Variants in ARHGAP21 observed in about 807,000 individuals in gnomAD.
ARHGAP21 encodes rho GTPase-activating protein 21.
A neutral mutation model predicts 164.6 loss-of-function variants in ARHGAP21; 38 were observed. The ratio of observed to expected loss-of-function variants is 0.23; its 90% CI spans 0.18 to 0.30. The LOEUF is 0.30. Among genes scored for constraint, ARHGAP21 ranks in the 10% least tolerant of loss-of-function variants. The pLI, the probability that ARHGAP21 is intolerant of heterozygous loss-of-function variation, is 1.00. For synonymous variants in ARHGAP21, 766 were observed against 857.9 expected (o/e 0.89, Z 1.87); for missense variants, 1,822 against 2,370.7 (o/e 0.77, Z 4.81).
chr10:24,599,007 C>T (rs2076700062), intron 14 of ARHGAP21, among the ~76,000 whole-genome samples: 1 of 152,132 alleles, frequency 6.6e-6, no homozygotes, highest in Admixed American at 6.5e-5. Flanking sequence ...ATAGTATCTG[C>T]CATATGGTAT....
At chr10:24,591,801 T>C (rs1321701059) in intron 22 of ARHGAP21, 86 bp downstream of exon 22, 1 of 1,596,314 alleles carries the variant, frequency 6.3e-7, no homozygotes, top group African/African-American at 1.4e-5. Context: ...AACCAACCTC[T>C]GTCTGACCAA....
intron 24 of ARHGAP21, 192 bp downstream of exon 24, chr10:24,591,033 G>A: frequency 1.7e-6 from 1 of 601,582 alleles, no homozygotes; most frequent in Non-Finnish European, 2.1e-6. Context: ...TGCATGCACT[G>A]CCAATGGCAT....
chr10:24,700,500 A>C (rs966482102), intron 2 of ARHGAP21, among the ~76,000 whole-genome samples: 2 of 152,232 alleles, frequency 1.3e-5, no homozygotes, highest in African/African-American at 4.8e-5. Context: ...TGATTAAAAT[A>C]ATAAGAATTA....
chr10:24,620,603 T>C lies in ARHGAP21; in HGVS notation c.1292A>G (p.Asn431Ser), dbSNP rs200788703. The change falls in exon 9 of 26, where the codon AAC (asparagine) becomes AGC (serine). Residue 431 changes from asparagine to serine, a missense_variant. Asn to Ser is a conservative substitution (Grantham distance 46, BLOSUM62 1). Transcript: ENST00000396432. Reference sequence around the variant, plus strand: ...ACGTCGTCCCTGCAAAGTAGTGCGGTTGGGGACGACCTGGTTATAATCTGT... The same window carrying C: ...ACGTCGTCCCTGCAAAGTAGTGCGGCTGGGGACGACCTGGTTATAATCTGT... ...STTDYNQVVP[N>S]RTTLQGRRRS... The C allele has an allele frequency of 1.1e-5, 18 of 1,614,094 alleles. No homozygotes were observed. Among genetic ancestry groups the C allele is most frequent in the African/African-American group, 2.7e-5 (2 of 74,932 alleles).
Position 24,619,999 on chromosome 10 carries a change from A to G in ARHGAP21, c.1896T>C (p.His632=), listed in dbSNP as rs1565030445. The change falls in exon 9 of 26, where the codon CAT becomes CAC. Residue 632 remains histidine (H), a synonymous_variant. Coordinates refer to ENST00000396432, the MANE Select transcript of ARHGAP21 (RefSeq NM_020824.4). ...TCTGGCTAAATGATGGTTTTGTGAC[A>G]TGCGTGGAAGGAGCTTTCAGAGAAT... ...RSNSLKAPST[H]VTKPSFSQKS... is the part of the protein sequence containing the mutation. 6.2e-7 allele frequency: 1 copy of G among 1,614,008 alleles called. No homozygotes were observed. Among genetic ancestry groups the G allele is most frequent in the African/African-American group, 1.3e-5 (1 of 75,060 alleles).
chr10:24,715,472 T>G (rs1399421812), intron 2 of ARHGAP21, among the ~76,000 whole-genome samples: 1 of 152,242 alleles, frequency 6.6e-6, no homozygotes, highest in Admixed American at 6.5e-5. Flanking sequence ...CTGATTGCCC[T>G]TTCACTTGTC....
At position 24,706,900 on chromosome 10, in the gene ARHGAP21, A is replaced by C. The variant is rs375481263; in HGVS notation, c.63+14937T>G. The stretch of plus-strand genomic sequence containing the variant: ...TTTTCTGGGCATCTTTAGTCATTCA[A>C]TGAAAACACAACCTGGGGAGGTGGT... On this transcript the variant is annotated intron_variant, in intron 2 of 25. Transcript: ENST00000396432. Among the ~76,000 whole-genome samples the C allele has an allele frequency of 6.6e-5, 10 of 152,326 alleles. No individual in the cohort carries two copies. In the East Asian group the frequency reaches 1.9e-3, roughly 29 times the overall value.
intron 11 of ARHGAP21, 31 bp from the exon 12 acceptor site, chr10:24,604,379 A>T: frequency 6.8e-7 from 1 of 1,472,336 alleles, no homozygotes. Context: ...AAATATTTTC[A>T]ATTAGTGCAA....
chr10:24,618,592 C>T (rs1460972454), intron 9 of ARHGAP21, among the ~76,000 whole-genome samples: 5 of 152,142 alleles, frequency 3.3e-5, no homozygotes, highest in Admixed American at 2.0e-4. Context: ...GAATGTATAC[C>T]AGGGTTAGAA....
At chr10:24,622,956 C>G (rs1169920242) in intron 7 of ARHGAP21, 194 bp from the exon 8 acceptor site, 1 of 515,624 alleles carries the variant, frequency 1.9e-6, no homozygotes, top group African/African-American at 1.9e-5. Flanking sequence ...TTTTCTCAGG[C>G]TTTTATCTGA....
chr10:24,624,519 TA>T (rs2131241855), intron 7 of ARHGAP21, among the ~76,000 whole-genome samples: 1 of 151,930 alleles, frequency 6.6e-6, no homozygotes, highest in South Asian at 2.1e-4. Flanking sequence ...TTTGTATTTT[TA>T]ATGGAGGTGG....
At chr10:24,595,230 C>T in intron 19 of ARHGAP21, 40 bp from the exon 20 acceptor site, 2 of 1,514,734 alleles carry the variant, frequency 1.3e-6, no homozygotes, top group Non-Finnish European at 1.8e-6. Context: ...TCTTAAATTG[C>T]CTAGGTGAAT....
At chr10:24,686,071 A>C (rs552278863) in intron 2 of ARHGAP21, among the ~76,000 whole-genome samples, 1 of 152,308 alleles carries the variant, frequency 6.6e-6, no homozygotes, top group East Asian at 1.9e-4. Flanking sequence ...TAAATAATGA[A>C]ATAAGAGATA....
chr10:24,605,767 T>G (rs564352339), intron 11 of ARHGAP21: 1 of 152,180 alleles, frequency 6.6e-6, no homozygotes, highest in South Asian at 2.1e-4. Context: ...ATTCAAGAAC[T>G]AGAAAATCTG....
rs191054502 is a variant in ARHGAP21 at position 24,722,040 on chromosome 10, C to A, written c.-141G>T. 2.3e-4 allele frequency: 200 copies of A among 862,938 alleles called. No individual in the cohort carries two copies. The highest frequency in any genetic ancestry group is 3.6e-4 in the Non-Finnish European group (189 of 529,182). 53.5% of individuals were successfully genotyped at this position (862,938 alleles called of 1,614,324 possible). On this transcript the variant is annotated 5_prime_UTR_variant, in exon 2 of 26. Transcript: ENST00000396432. ...CAGGGCTGTTGAAACAGACAACGTG[C>A]CAGGGAATAAAGGTTTTCAGGAAGC...
intron 2 of ARHGAP21, among the ~76,000 whole-genome samples, chr10:24,682,690 C>A (rs1035417029): frequency 2.6e-5 from 4 of 151,154 alleles, no homozygotes; most frequent in African/African-American, 9.7e-5. Flanking sequence ...TTAAAGATTT[C>A]TTTCTCTTTT....
intron 7 of ARHGAP21, among the ~76,000 whole-genome samples, chr10:24,623,522 T>C (rs1189775395): frequency 6.6e-6 from 1 of 152,212 alleles, no homozygotes; most frequent in Non-Finnish European, 1.5e-5. Flanking sequence ...AATCCCAACA[T>C]GCATTTTGGG....
At chr10:24,723,055 G>C (rs1321534041) in intron 1 of ARHGAP21, 1 of 151,958 alleles carries the variant, frequency 6.6e-6, no homozygotes, top group Non-Finnish European at 1.5e-5. Context: ...GCCCCTTCCT[G>C]AGGCGGGTCG....
At chr10:24,605,420 ACT>A (rs1479100801) in intron 11 of ARHGAP21, among the ~76,000 whole-genome samples, 1 of 152,098 alleles carries the variant, frequency 6.6e-6, no homozygotes, top group Non-Finnish European at 1.5e-5. Context: ...GGTGCAGTAG[ACT>A]CTGAAATAAC....
Sources: gnomAD v4.1 joint callset for allele counts (sites outside exome capture counted in the v4.1 genomes callset) on GRCh38, gnomAD v4.1.1 for gene constraint, MANE v1.5 for transcripts, NCBI Gene and HGNC (gene_info 2026-07-23, HGNC 2026-07-21) for gene names.